FAM133B: variants seen among roughly 807,000 people sequenced by gnomAD.
FAM133B encodes the protein family with sequence similarity 133 member B.
In FAM133B, 25 loss-of-function variants were observed where a neutral mutation model predicts 46.4. The observed-to-expected ratio is 0.54, with a 90% CI of 0.39 to 0.75. The LOEUF (loss-of-function observed/expected upper bound fraction) is 0.75. Among genes scored for constraint, FAM133B ranks in the 30% least tolerant of loss-of-function variants. FAM133B has a pLI of 0.00. For synonymous variants in FAM133B, 75 were observed against 86.0 expected, an observed-to-expected ratio of 0.87 and a Z score of 0.71; for missense variants, 205 against 277.6, an observed-to-expected ratio of 0.74 and a Z score of 1.86.
In FAM133B at chr7:92,579,351, T is replaced by G; in HGVS notation, c.167A>C (p.Lys56Thr). The stretch of plus-strand genomic sequence containing the variant: ...TTTTTCTTCAAATTCAGCCAAAGCC[T>G]TGGAGCCTTTCTTTTTCTTTTCTAG... ...EQLEKKKKGS[K>T]ALAEFEEKMN... The change falls in exon 3 of 11, where the codon AAG (lysine) becomes ACG (threonine). Residue 56 changes from lysine (K) to threonine (T), a missense_variant. Transcript: ENST00000445716. 1 of 1,610,260 alleles carries G rather than the reference T, an allele frequency of 6.2e-7. No individual in the cohort carries two copies. The highest frequency in any genetic ancestry group is 8.5e-7 in the Non-Finnish European group (1 of 1,179,018).
intron 8 of FAM133B, among the ~76,000 whole-genome samples, chr7:92,572,705 C>T (rs993385280): frequency 5.3e-5 from 8 of 152,046 alleles, no homozygotes; most frequent in South Asian, 2.1e-4. Context: ...GGCAACAGAG[C>T]GAAACTCCAT....
chr7:92,569,966 C>A, intron 8 of FAM133B, 51 bp from the exon 9 acceptor site: 1 of 792,432 alleles, frequency 1.3e-6, no homozygotes, highest in Non-Finnish European at 1.8e-6. Context: ...TTGTCACACA[C>A]ATTTTATGTT....
At position 92,586,983 on chromosome 7, in the gene FAM133B, GTGA is replaced by G. The variant is rs552421350; in HGVS notation, c.24+3282_24+3284del. ...CCCTAATGCAAACTACTGACTCTGG[GTGA>G]TGATAATGTGTCGATGTAGGTTCAT... On this transcript the variant is annotated intron_variant, in intron 1 of 10. Transcript: ENST00000445716. 2.6e-5 allele frequency among the ~76,000 whole-genome samples: 4 copies of G among 152,298 alleles called. No individual in the cohort carries two copies. In the South Asian group the frequency reaches 8.3e-4, roughly 32 times the overall value.
intron 1 of FAM133B, among the ~76,000 whole-genome samples, chr7:92,588,253 A>C (rs562876675): frequency 6.6e-6 from 1 of 152,206 alleles, no homozygotes; most frequent in Non-Finnish European, 1.5e-5. Flanking sequence ...AAATGAAGCT[A>C]ATTTGGTAAG....
At chr7:92,575,267 G>A (rs867187476) in intron 8 of FAM133B, among the ~76,000 whole-genome samples, 1 of 152,172 alleles carries the variant, frequency 6.6e-6, no homozygotes, top group African/African-American at 2.4e-5. Flanking sequence ...CCTGAGGTCA[G>A]GGTTTTGAAA....
intron 9 of FAM133B, among the ~76,000 whole-genome samples, chr7:92,568,524 A>ATTT (rs745580425): frequency 1.3e-4 from 15 of 118,210 alleles, no homozygotes; most frequent in African/African-American, 4.3e-4. Context: ...CGCCTGGCTA[A>ATTT]TTTTTTTTTT....
Position 92,590,318 on chromosome 7 carries a change from C to T in FAM133B, c.-27G>A, listed in dbSNP as rs762523895. ...GTGCTGGATCGAGCGCACAGTAGCA[C>T]GCCGAGGGAAACCGGGCCGGAGAGA... is the stretch of plus-strand genomic sequence containing the variant. On this transcript the variant is annotated 5_prime_UTR_variant, in exon 1 of 11. The change creates a new upstream start codon in the 5' untranslated region. Transcript: ENST00000445716. The T allele has an allele frequency of 6.2e-7, 1 of 1,613,758 alleles. No individual in the cohort carries two copies. Among genetic ancestry groups the T allele is most frequent in the South Asian group, 1.1e-5 (1 of 91,080 alleles).
intron 9 of FAM133B, among the ~76,000 whole-genome samples, chr7:92,568,583 G>A (rs1027432184): frequency 4.1e-5 from 6 of 147,468 alleles, no homozygotes; most frequent in African/African-American, 1.5e-4. Context: ...GGCCAGGCTG[G>A]TCTGGAACTC....
intron 1 of FAM133B, among the ~76,000 whole-genome samples, chr7:92,585,643 A>C (rs1222864778): frequency 1.5e-4 from 23 of 152,214 alleles, no homozygotes; most frequent in Admixed American, 1.5e-3. Flanking sequence ...AGATTTCTCA[A>C]GTGAAAAGCA....
At chr7:92,567,644 T>C (rs938495352) in intron 9 of FAM133B, among the ~76,000 whole-genome samples, 3 of 152,356 alleles carry the variant, frequency 2.0e-5, no homozygotes, top group East Asian at 1.9e-4. Context: ...TACATCTATA[T>C]TTAGCCAGGC....
At chr7:92,566,621 G>A (rs901515785) in intron 9 of FAM133B, among the ~76,000 whole-genome samples, 2 of 152,154 alleles carry the variant, frequency 1.3e-5, no homozygotes, top group Admixed American at 1.3e-4. Context: ...CAGCCTGGGC[G>A]ACAGACTGAC....
chr7:92,570,377 A>ATCTTAACC (rs1794491281), intron 8 of FAM133B, among the ~76,000 whole-genome samples: 1 of 152,116 alleles, frequency 6.6e-6, no homozygotes, highest in Non-Finnish European at 1.5e-5. Context: ...GTTTAAAAAA[A>ATCTTAACC]TCTTAACCTC....
At chr7:92,581,359 T>A (rs954758128) in intron 2 of FAM133B, 147 bp downstream of exon 2, 14 of 655,902 alleles carry the variant, frequency 2.1e-5, no homozygotes, top group Non-Finnish European at 3.1e-5. Context: ...GTTTCACACA[T>A]TCAAAAGAAA....
At chr7:92,580,632 T>C (rs1794839349) in intron 2 of FAM133B, among the ~76,000 whole-genome samples, 1 of 152,258 alleles carries the variant, frequency 6.6e-6, no homozygotes, top group African/African-American at 2.4e-5. Context: ...TTGCTGATTG[T>C]GCTTGGTAGC....
chr7:92,589,869 C>T (rs1281995121), intron 1 of FAM133B: 2 of 204,946 alleles, frequency 9.8e-6, no homozygotes, highest in African/African-American at 2.3e-5. Flanking sequence ...CCTGGGGCGG[C>T]CGATACCAAG....
chr7:92,583,819 C>T (rs915600972), intron 1 of FAM133B, among the ~76,000 whole-genome samples: 1 of 151,630 alleles, frequency 6.6e-6, no homozygotes, highest in Non-Finnish European at 1.5e-5. Context: ...GAGGCTGGGG[C>T]GGGTGGATCA....
rs777180214 is a variant in FAM133B, at chr7:92,581,559, G to A, written c.69C>T (p.Ile23=). Reference sequence around the variant, plus strand: ...CCTGTATTGTTGGCCCTGAAGACTGGATTGGACCCCTTGATCTCGCCATTG... The same window carrying A: ...CCTGTATTGTTGGCCCTGAAGACTGAATTGGACCCCTTGATCTCGCCATTG... The part of the protein sequence containing the change: ...PIAMARSRGP[I]QSSGPTIQDY... Residue 23 remains isoleucine (I), a synonymous_variant, in exon 2 of 11, where the codon ATC becomes ATT. Coordinates refer to ENST00000445716, the MANE Select transcript of FAM133B (RefSeq NM_152789.4). 1 of 1,613,906 alleles carries A rather than the reference G, an allele frequency of 6.2e-7. No homozygotes were observed. Among genetic ancestry groups the A allele is most frequent in the Non-Finnish European group, 8.5e-7 (1 of 1,179,828 alleles).
At chr7:92,586,060 A>G (rs1795028824) in intron 1 of FAM133B, among the ~76,000 whole-genome samples, 1 of 152,220 alleles carries the variant, frequency 6.6e-6, no homozygotes, top group South Asian at 2.1e-4. Context: ...ACTGTGTACT[A>G]TCAAACTGCT....
At chr7:92,564,907 G>C (rs1387891159) in intron 10 of FAM133B, among the ~76,000 whole-genome samples, 1 of 151,984 alleles carries the variant, frequency 6.6e-6, no homozygotes, top group Non-Finnish European at 1.5e-5. Flanking sequence ...TTCTCAATTT[G>C]CATTAATAGC....
Sources: gnomAD v4.1 joint callset for allele counts (sites outside exome capture counted in the v4.1 genomes callset) on GRCh38, gnomAD v4.1.1 for gene constraint, MANE v1.5 for transcripts, NCBI Gene and HGNC (gene_info 2026-07-23, HGNC 2026-07-21) for gene names.